ZNF862: variants seen among roughly 807,000 people sequenced by gnomAD.
ZNF862 encodes the protein zinc finger protein 862.
Under a neutral mutation model 91.1 loss-of-function variants are expected in ZNF862, and 64 were observed. The observed-to-expected ratio is 0.70, with a 90% CI of 0.57 to 0.87. The LOEUF (loss-of-function observed/expected upper bound fraction) is 0.87, where lower values mean the gene tolerates loss of function less well. ZNF862 is among the 40% of genes least tolerant of loss of function. The pLI, the probability that ZNF862 is intolerant of heterozygous loss-of-function variation, is 0.00. For missense variants in ZNF862, 1,459 were observed against 1,528.0 expected, an observed-to-expected ratio of 0.95 and a Z score of 0.75; for synonymous variants, 631 against 618.1, an observed-to-expected ratio of 1.02 and a Z score of -0.31.
At chr7:149,846,056 TC>T in intron 2 of ZNF862, 94 bp from the exon 3 acceptor site, 4 of 854,220 alleles carry the variant, frequency 4.7e-6, no homozygotes, top group Non-Finnish European at 7.6e-6. Flanking sequence ...CCGAGAGATG[TC>T]GCAGACAGAT....
chr7:149,860,683 C>T lies in ZNF862; in HGVS notation c.1523C>T (p.Thr508Met), dbSNP rs182698406. The change falls in exon 7 of 8, where the codon ACG becomes ATG. Residue 508 changes from threonine (T) to methionine (M), a missense_variant. Transcript: ENST00000223210. ...TCATCTCGGTTAGTCAGAGGTTACACGGGGCCTTTTAAAGTGGAGACTTTA... is the reference window on the plus strand; with the variant it reads ...TCATCTCGGTTAGTCAGAGGTTACATGGGGCCTTTTAAAGTGGAGACTTTA... The part of the protein sequence containing the change: ...DKSSRLVRGY[T>M]GPFKVETLKY... 8.2e-5 allele frequency: 132 copies of T among 1,613,974 alleles called. No individual in the cohort carries two copies. The Admixed American group carries it at 1.1e-3, about 13-fold the overall frequency.
At chr7:149,840,960 T>A (rs954203747) in intron 1 of ZNF862, 12 of 985,302 alleles carry the variant, frequency 1.2e-5, no homozygotes, top group African/African-American at 3.5e-5. Context: ...TGATTCCGTG[T>A]CCTGTCCAAC....
At chr7:149,839,295 T>C (rs1005730131) in intron 1 of ZNF862, among the ~76,000 whole-genome samples, 5 of 152,170 alleles carry the variant, frequency 3.3e-5, no homozygotes, top group African/African-American at 1.2e-4. Flanking sequence ...GTGGGCACAT[T>C]AGCTTGGAGA....
At chr7:149,841,186 A>G (rs1277890035) in intron 1 of ZNF862, 1 of 985,358 alleles carries the variant, frequency 1.0e-6, no homozygotes, top group Admixed American at 6.1e-5. Context: ...GCTGTTCTAC[A>G]ACTCCACTCC....
chr7:149,846,295 G>C (rs763964260), intron 3 of ZNF862, 40 bp downstream of exon 3: 2 of 1,529,384 alleles, frequency 1.3e-6, no homozygotes, highest in Non-Finnish European at 1.8e-6. Context: ...TGCTTGGCTG[G>C]AGAGGGAGCA....
chr7:149,859,483 C>T lies in ZNF862; in HGVS notation c.1179C>T (p.Ile393=). The T allele has an allele frequency of 6.3e-7, 1 of 1,587,294 alleles. No homozygotes were observed. The change falls in exon 6 of 8, where the codon ATC becomes ATT. Residue 393 remains isoleucine (I), a synonymous_variant. Coordinates refer to ENST00000223210, the MANE Select transcript of ZNF862 (RefSeq NM_001099220.3). ...SKLERRAAPW[I]KDPNGPKWGK... is the part of the protein sequence containing the mutation. The stretch of plus-strand genomic sequence containing the variant: ...TGGAGCGGAGGGCTGCACCCTGGAT[C>T]AAGGACCCAAATGGGCCAAAGTGGG...
At chr7:149,841,852 T>C (rs1332393270) in intron 1 of ZNF862, 1 of 677,834 alleles carries the variant, frequency 1.5e-6, no homozygotes. Context: ...CACCTCCTGA[T>C]AGATTTTAAT....
rs904346607 is a variant in ZNF862 at position 149,855,784 on chromosome 7, C to T, written c.1118-3638C>T. ...GCCTCTTCTCATTCCCCATGTGGCC[C>T]ACATCTGAACCATAGAAGCACTTCC... On this transcript the variant is annotated intron_variant, in intron 5 of 7. Transcript: ENST00000223210. The surrounding 1 kb of genome is among the most constrained non-coding windows in gnomAD (Gnocchi z 4.1). 7.2e-5 allele frequency among the ~76,000 whole-genome samples: 11 copies of T among 152,186 alleles called. No individual in the cohort carries two copies. The highest frequency in any genetic ancestry group is 2.7e-4 in the African/African-American group (11 of 41,434).
chr7:149,850,512 C>T lies in ZNF862; in HGVS notation c.1117+174C>T. 1 of 634,834 alleles carries T rather than the reference C, an allele frequency of 1.6e-6. No homozygotes were observed. The highest frequency in any genetic ancestry group is 2.7e-6 in the Non-Finnish European group (1 of 377,002). The allele number at this position is 634,834 out of a possible 1,614,324, so 39.3% of individuals were successfully genotyped here. On this transcript the variant is annotated intron_variant, in intron 5 of 7. Transcript: ENST00000223210. This position sits in a 1 kb window ranked among gnomAD's most constrained non-coding sequence, Gnocchi z 4.2. The stretch of plus-strand genomic sequence containing the variant: ...CCTGCTTGGGGTAACTGTGCTTTAT[C>T]ACCTTCTCATCCACCCACCTGTTCA...
intron 1 of ZNF862, 78 bp downstream of exon 1, chr7:149,838,713 C>T (rs1182667090): frequency 4.2e-6 from 4 of 961,166 alleles, no homozygotes; most frequent in Non-Finnish European, 5.4e-6. Context: ...CGGGGCGGCT[C>T]GGGCGGAGGC....
intron 1 of ZNF862, chr7:149,841,404 T>C: frequency 1.0e-6 from 1 of 985,260 alleles, no homozygotes; most frequent in Non-Finnish European, 1.2e-6. Flanking sequence ...TTCCCCATCA[T>C]GTTCTATCCC....
rs1802529885 is a variant in ZNF862, at chr7:149,862,084, A to G, written c.2924A>G (p.Tyr975Cys). Residue 975 changes from tyrosine to cysteine, a missense_variant, in exon 7 of 8, where the codon TAT becomes TGT. By Grantham distance (194) the Tyr-to-Cys change is radical. Transcript: ENST00000223210. ...GNDDILNLAR[Y>C]FECSLPTGYS... ...GATGACATTCTCAACCTGGCCAGGT[A>G]TTTCGAGTGCTCCCTCCCAACAGGA... 2 of 1,613,566 alleles carry G rather than the reference A, an allele frequency of 1.2e-6. No homozygotes were observed. Among genetic ancestry groups the G allele is most frequent in the Non-Finnish European group, 1.7e-6 (2 of 1,179,890 alleles).
In ZNF862 at chr7:149,860,608, C is replaced by G. The variant is rs879139319; in HGVS notation, c.1448C>G (p.Thr483Ser). Reference protein sequence around the residue: ...FPWLVIDPKETKLFCSACIER... With the variant: ...FPWLVIDPKESKLFCSACIER... ...TGGTTAGTAATTGACCCCAAAGAGA[C>G]CAAACTCTTCTGCTCAGCCTGCATA... The change falls in exon 7 of 8, where the codon ACC (threonine) becomes AGC (serine). Residue 483 changes from threonine to serine, a missense_variant. Thr to Ser is a moderately conservative substitution (Grantham distance 58, BLOSUM62 1). Coordinates refer to ENST00000223210, the MANE Select transcript of ZNF862 (RefSeq NM_001099220.3). 1.2e-6 allele frequency: 2 copies of G among 1,613,986 alleles called. No homozygotes were observed. Among genetic ancestry groups the G allele is most frequent in the South Asian group, 1.1e-5 (1 of 91,076 alleles).
intron 2 of ZNF862, among the ~76,000 whole-genome samples, chr7:149,845,395 C>T (rs1801837093): frequency 1.3e-5 from 2 of 152,166 alleles, no homozygotes; most frequent in African/African-American, 2.4e-5. Flanking sequence ...GTCTACCATG[C>T]CTGTCTTTTC....
At chr7:149,857,244 C>T (rs1375838152) in intron 5 of ZNF862, among the ~76,000 whole-genome samples, 2 of 151,950 alleles carry the variant, frequency 1.3e-5, no homozygotes, top group Admixed American at 1.3e-4. Flanking sequence ...TCCAGAAATT[C>T]CTTCCTATTA....
rs1019621129 is a variant in ZNF862, at chr7:149,841,691, T to G, written c.25-2934T>G. ...TGCTGTTGGTGCCCCGAAAGAGAAG[T>G]CTATATGTGTACTTGTTGCTGTATG... On this transcript the variant is annotated intron_variant, in intron 1 of 7. Coordinates refer to ENST00000223210, the MANE Select transcript of ZNF862 (RefSeq NM_001099220.3). The G allele has an allele frequency of 5.1e-6, 5 of 985,270 alleles. No individual in the cohort carries two copies. In the African/African-American group the frequency reaches 8.7e-5, roughly 17 times the overall value. The allele number at this position is 985,270 out of a possible 1,614,324, so 61.0% of individuals were successfully genotyped here.
chr7:149,843,621 G>C (rs568761776), intron 1 of ZNF862, among the ~76,000 whole-genome samples: 1 of 151,948 alleles, frequency 6.6e-6, no homozygotes, highest in East Asian at 1.9e-4. Flanking sequence ...TCCTTTCCCC[G>C]AGTGTCTGGT....
chr7:149,848,426 C>T lies in ZNF862; in HGVS notation c.933C>T (p.Cys311=). 1 of 1,529,772 alleles carries T rather than the reference C, an allele frequency of 6.5e-7. No homozygotes were observed. The highest frequency in any genetic ancestry group is 8.8e-7 in the Non-Finnish European group (1 of 1,136,804). The allele number at this position is 1,529,772 out of a possible 1,614,324, so 94.8% of individuals were successfully genotyped here. ...NILYNDAVES[C]IQDPSAEGLS... ...TATATAATGATGCAGTAGAATCCTG[C>T]ATTCAGGTAATACGTTTATAATGAT... The change falls in exon 4 of 8, where the codon TGC becomes TGT. Residue 311 remains cysteine, a synonymous_variant. Coordinates refer to ENST00000223210, the MANE Select transcript of ZNF862 (RefSeq NM_001099220.3).
chr7:149,852,372 T>TGA (rs796413969), intron 5 of ZNF862, among the ~76,000 whole-genome samples: 48 of 143,754 alleles, frequency 3.3e-4, no homozygotes, highest in African/African-American at 7.8e-4. Flanking sequence ...TGTGTGTGTG[T>TGA]GAGAGAGAGA....
Sources: allele counts gnomAD v4.1 joint callset (sites outside exome capture counted in the v4.1 genomes callset), GRCh38; gene constraint gnomAD v4.1.1; non-coding constraint Gnocchi (gnomAD v3.1); transcripts MANE v1.5; gene names NCBI Gene and HGNC (gene_info 2026-07-23, HGNC 2026-07-21).